NUBPL: variants seen among roughly 807,000 people sequenced by gnomAD.
NUBPL encodes iron-sulfur cluster transfer protein NUBPL.
A neutral mutation model predicts 45.7 loss-of-function variants in NUBPL; 31 were observed. The ratio of observed to expected loss-of-function variants is 0.68; its 90% CI spans 0.51 to 0.92. The LOEUF (loss-of-function observed/expected upper bound fraction) is 0.92. Ranked by LOEUF, NUBPL falls within the 40% of genes least tolerant of loss-of-function variation. NUBPL has a pLI of 0.00. For missense variants in NUBPL, 401 were observed against 398.7 expected (o/e 1.01, Z -0.05); for synonymous variants, 144 against 140.9 (o/e 1.02, Z -0.15).
intron 6 of NUBPL, among the ~76,000 whole-genome samples, chr14:31,736,605 T>C (rs2038171553): frequency 6.6e-6 from 1 of 152,222 alleles, no homozygotes; most frequent in Non-Finnish European, 1.5e-5. Flanking sequence ...TCCATTCTCC[T>C]GTTGACATCT....
At chr14:31,567,834 A>AGG (rs2033477938) in intron 3 of NUBPL, among the ~76,000 whole-genome samples, 2 of 152,218 alleles carry the variant, frequency 1.3e-5, no homozygotes, top group Non-Finnish European at 2.9e-5. Flanking sequence ...CCCTAGGCTT[A>AGG]CTGAATCAGA....
chr14:31,656,347 C>G (rs1279070544), intron 4 of NUBPL, among the ~76,000 whole-genome samples: 3 of 152,110 alleles, frequency 2.0e-5, no homozygotes, highest in Non-Finnish European at 4.4e-5. Context: ...TAGTTTCTTA[C>G]AAGAACTTTT....
chr14:31,721,903 A>T (rs778543630), intron 6 of NUBPL, among the ~76,000 whole-genome samples: 2 of 152,222 alleles, frequency 1.3e-5, no homozygotes, highest in Non-Finnish European at 2.9e-5. Context: ...TTTGCTAAGG[A>T]TAATGGCCTC....
At position 31,859,582 on chromosome 14, in the gene NUBPL, A is replaced by G. The variant is rs564681074; in HGVS notation, c.*402A>G. The G allele has an allele frequency of 3.6e-4, 112 of 311,174 alleles. 6 individuals carry two copies. The highest frequency in any genetic ancestry group is 3.2e-3 in the South Asian group (108 of 33,382). 19.3% of individuals were successfully genotyped at this position (311,174 alleles called of 1,614,324 possible). The stretch of plus-strand genomic sequence containing the variant: ...AAGTATTACGCCTTCCCACCAGGCA[A>G]TTTGGACTGTCTTTGAATCCTGTCT... On this transcript the variant is annotated 3_prime_UTR_variant, in exon 11 of 11. Transcript: ENST00000281081.
Position 31,841,917 on chromosome 14 carries a change from CTTTTTTT to C in NUBPL, c.694-4529_694-4523del, listed in dbSNP as rs547795007. ...CTTTCATGTATGGGTCGATTCTGGG[CTTTTTTT>C]TTTTTTTTTTTTTTTTTTTTTTTTG... On this transcript the variant is annotated intron_variant, in intron 8 of 10. Coordinates refer to ENST00000281081, the MANE Select transcript of NUBPL (RefSeq NM_025152.3). 3.7e-3 allele frequency among the ~76,000 whole-genome samples: 160 copies of C among 43,054 alleles called. 20 individuals carry two copies. Among genetic ancestry groups the C allele is most frequent in the Middle Eastern group, 0.021 (1 of 48 alleles). The allele number at this position is 43,054 out of a possible 152,430, so 28.2% of individuals were successfully genotyped here. A position where few individuals can be genotyped will look rare whatever the true frequency, so the allele number is the denominator to read the frequency against.
intron 8 of NUBPL, among the ~76,000 whole-genome samples, chr14:31,829,769 A>G (rs998526908): frequency 9.8e-5 from 15 of 152,290 alleles, no homozygotes; most frequent in Admixed American, 8.5e-4. Context: ...ATTGAAGTTA[A>G]TTTAAATGAT....
intron 6 of NUBPL, among the ~76,000 whole-genome samples, chr14:31,763,150 G>T (rs2038848185): frequency 6.6e-6 from 1 of 152,146 alleles, no homozygotes; most frequent in South Asian, 2.1e-4. Flanking sequence ...TCTTGAAAGG[G>T]TGTACATTTT....
intron 4 of NUBPL, among the ~76,000 whole-genome samples, chr14:31,623,463 C>T (rs1048243321): frequency 1.4e-4 from 21 of 152,098 alleles, no homozygotes; most frequent in African/African-American, 2.7e-4. Flanking sequence ...TTGTTTGGTT[C>T]AGTGTCCCCA....
chr14:31,583,300 A>T (rs555570025), intron 3 of NUBPL, among the ~76,000 whole-genome samples: 2 of 152,286 alleles, frequency 1.3e-5, no homozygotes, highest in South Asian at 4.1e-4. Context: ...GCTCTTGCAG[A>T]GTTGGGTAGG....
intron 7 of NUBPL, among the ~76,000 whole-genome samples, chr14:31,819,473 C>CA (rs1472962676): frequency 3.9e-5 from 6 of 152,186 alleles, no homozygotes; most frequent in Non-Finnish European, 5.9e-5. Flanking sequence ...AGTTCTCAAT[C>CA]AAGCAAGAGA....
chr14:31,807,769 G>A (rs978486583), intron 7 of NUBPL, among the ~76,000 whole-genome samples: 1 of 152,208 alleles, frequency 6.6e-6, no homozygotes, highest in African/African-American at 2.4e-5. Context: ...TAACATTTAA[G>A]TCTTTAATCC....
In NUBPL at chr14:31,760,144, T is replaced by TGTGTGTGTGTGTGA; in HGVS notation, c.514-27635_514-27634insTGTGTGTGTGTGAG. Among the ~76,000 whole-genome samples the TGTGTGTGTGTGTGA allele has an allele frequency of 9.1e-3, 316 of 34,822 alleles. 9 individuals are homozygous for TGTGTGTGTGTGTGA. Among genetic ancestry groups the TGTGTGTGTGTGTGA allele is most frequent in the Middle Eastern group, 0.038 (1 of 26 alleles). 22.8% of individuals were successfully genotyped at this position (34,822 alleles called of 152,430 possible). A position where few individuals can be genotyped will look rare whatever the true frequency, so the allele number is the denominator to read the frequency against. On this transcript the variant is annotated intron_variant, in intron 6 of 10. Coordinates refer to ENST00000281081, the MANE Select transcript of NUBPL (RefSeq NM_025152.3). ...TGACTTTAGTGTGTGTGTGTGTGTG[T>TGTGTGTGTGTGTGA]GAGAGAGAGAGAGAGAGAGAGAGAG...
chr14:31,638,959 T>C (rs2035595615), intron 4 of NUBPL, among the ~76,000 whole-genome samples: 1 of 152,214 alleles, frequency 6.6e-6, no homozygotes, highest in Non-Finnish European at 1.5e-5. Context: ...CACTTCTCTC[T>C]ATTGGTTATT....
At chr14:31,575,379 T>C (rs2139476103) in intron 3 of NUBPL, among the ~76,000 whole-genome samples, 1 of 152,332 alleles carries the variant, frequency 6.6e-6, no homozygotes, top group African/African-American at 2.4e-5. Context: ...CTGGGCTTGA[T>C]TCTGGCTCTG....
intron 3 of NUBPL, among the ~76,000 whole-genome samples, chr14:31,593,653 A>G (rs2034208464): frequency 6.6e-6 from 1 of 152,062 alleles, no homozygotes; most frequent in South Asian, 2.1e-4. Flanking sequence ...AAGAAAGAAA[A>G]AGCAGGGTGG....
At chr14:31,770,061 T>C (rs1464993229) in intron 6 of NUBPL, among the ~76,000 whole-genome samples, 1 of 152,198 alleles carries the variant, frequency 6.6e-6, no homozygotes, top group Non-Finnish European at 1.5e-5. Context: ...TTTTTTTTAA[T>C]AGTAATTAAT....
intron 6 of NUBPL, among the ~76,000 whole-genome samples, chr14:31,732,939 G>C (rs1427173981): frequency 6.6e-6 from 1 of 151,692 alleles, no homozygotes; most frequent in Non-Finnish European, 1.5e-5. Context: ...GTACTTTTTT[G>C]GGTCCTAAGA....
intron 3 of NUBPL, among the ~76,000 whole-genome samples, chr14:31,581,447 G>T (rs1344973972): frequency 6.6e-6 from 1 of 152,062 alleles, no homozygotes; most frequent in African/African-American, 2.4e-5. Context: ...TCATGAATTT[G>T]ACTGTTCCAA....
intron 6 of NUBPL, among the ~76,000 whole-genome samples, chr14:31,754,773 G>T (rs1164876851): frequency 6.6e-6 from 1 of 150,714 alleles, no homozygotes; most frequent in Non-Finnish European, 1.5e-5. Context: ...ATGTATACAT[G>T]TGCCATGTTG....
Sources: allele counts gnomAD v4.1 joint callset (sites outside exome capture counted in the v4.1 genomes callset), GRCh38; gene constraint gnomAD v4.1.1; transcripts MANE v1.5; gene names NCBI Gene and HGNC (gene_info 2026-07-23, HGNC 2026-07-21).